The following SRP19 variants were observed in gnomAD, a reference collection of about 807,000 sequenced individuals.
SRP19 encodes the protein signal recognition particle 19 kDa protein.
In SRP19, 11 loss-of-function variants were observed where a neutral mutation model predicts 22.4. That is an observed-to-expected ratio of 0.49 (90% CI 0.31 to 0.81). The LOEUF (loss-of-function observed/expected upper bound fraction) is 0.81. Among genes scored for constraint, SRP19 ranks in the 40% least tolerant of loss-of-function variants. The pLI, the probability that SRP19 is intolerant of heterozygous loss-of-function variation, is 0.05. For missense variants in SRP19, 168 were observed against 175.9 expected (o/e 0.96, Z 0.25); for synonymous variants, 61 against 57.6 (o/e 1.06, Z -0.27).
At chr5:112,874,172 C>CA (rs1279987290), downstream of SRP19, among the ~76,000 whole-genome samples, 4 of 151,762 alleles carry the variant, frequency 2.6e-5, no homozygotes, top group Admixed American at 6.6e-5. Context: ...TCTCAAAAAA[C>CA]AAAAAACCAC....
intron 4 of SRP19, chr5:112,885,540 T>G (rs1221893349): frequency 2.5e-5 from 6 of 237,762 alleles, no homozygotes. Flanking sequence ...GGGTTGGAAG[T>G]AAACATCAAC....
At position 112,878,705 on chromosome 5, in the gene SRP19, A is replaced by AATT. The variant is rs1256226340; in HGVS notation, c.302-12895_302-12893dup. On this transcript the variant is annotated intron_variant, in intron 4 of 4. Transcript: ENST00000391338. ...GTTTCCAAGGCAACATTATTAAAAT[A>AATT]ATTATACCACAGTCCCTAATATAAC... 8 of 1,550,286 alleles carry AATT rather than the reference A, an allele frequency of 5.2e-6. No individual in the cohort carries two copies. The African/African-American group carries it at 6.9e-5, about 13-fold the overall frequency.
downstream of SRP19, chr5:112,895,520 C>G (rs1252804862): frequency 6.6e-6 from 1 of 152,038 alleles, no homozygotes; most frequent in African/African-American, 2.4e-5. Context: ...TTTTGTACCT[C>G]TTCAATGTGA....
downstream of SRP19, among the ~76,000 whole-genome samples, chr5:112,871,278 G>C (rs73220049): frequency 0.089 from 4,594 of 51,882 alleles, 342 homozygotes; most frequent in African/African-American, 0.28. Flanking sequence ...TTTGCCAGTT[G>C]TTAAGTGAAA....
At chr5:112,876,078 A>G (rs958463707) in intron 4 of SRP19, among the ~76,000 whole-genome samples, 5 of 152,116 alleles carry the variant, frequency 3.3e-5, no homozygotes, top group African/African-American at 1.2e-4. Flanking sequence ...GCAATACACT[A>G]TCTTAAGTCA....
At chr5:112,886,854 A>G (rs990894745) in intron 4 of SRP19, among the ~76,000 whole-genome samples, 37 of 152,222 alleles carry the variant, frequency 2.4e-4, no homozygotes, top group Non-Finnish European at 4.4e-5. Flanking sequence ...GAGAACTGTA[A>G]GTGTTCTCAA....
chr5:112,883,867 G>A (rs1194647552), intron 4 of SRP19, among the ~76,000 whole-genome samples: 1 of 151,990 alleles, frequency 6.6e-6, no homozygotes, highest in African/African-American at 2.4e-5. Context: ...ATCTGTTCAG[G>A]CTAAAAAGCT....
At position 112,878,751 on chromosome 5, in the gene SRP19, T is replaced by G. The variant is rs769197433; in HGVS notation, c.302-12852T>G. ...ATAACATCAAGCTCCAGTAGGAAGG[T>G]ACAGAGAGGGCAGGAAGTTTCCATC... is the stretch of plus-strand genomic sequence containing the variant. On this transcript the variant is annotated intron_variant, in intron 4 of 4. Coordinates refer to the SRP19 transcript ENST00000391338. 3.1e-6 allele frequency: 5 copies of G among 1,613,690 alleles called. No individual in the cohort carries two copies. The East Asian group carries it at 8.9e-5, about 29-fold the overall frequency.
At position 112,867,674 on chromosome 5, in the gene SRP19, TC is replaced by T; in HGVS notation, c.*138del. 1 of 1,367,354 alleles carries T rather than the reference TC, an allele frequency of 7.3e-7. No homozygotes were observed. The highest frequency in any genetic ancestry group is 9.5e-7 in the Non-Finnish European group (1 of 1,055,874). 84.7% of individuals were successfully genotyped at this position (1,367,354 alleles called of 1,614,324 possible). A position where few individuals can be genotyped will look rare whatever the true frequency, so the allele number is the denominator to read the frequency against. ...TGAACCCTTGTGCCTCTCATCTTTA[TC>T]ATCGGAGTTGACAGTGAAACAAATT... On this transcript the variant is annotated 3_prime_UTR_variant, in exon 5 of 5. Transcript: ENST00000505459.
chr5:112,883,487 C>G (rs973982705), intron 4 of SRP19, among the ~76,000 whole-genome samples: 22 of 152,290 alleles, frequency 1.4e-4, no homozygotes, highest in Non-Finnish European at 2.6e-4. Flanking sequence ...CAATTGGCCA[C>G]TCCTTATCAG....
chr5:112,876,616 A>T (rs553709206), intron 4 of SRP19: 4 of 152,322 alleles, frequency 2.6e-5, no homozygotes, highest in Non-Finnish European at 5.9e-5. Context: ...GGAATTCTGT[A>T]ACTACATACC....
chr5:112,875,760 A>C (rs1767879324), intron 4 of SRP19, among the ~76,000 whole-genome samples: 1 of 152,138 alleles, frequency 6.6e-6, no homozygotes, highest in African/African-American at 2.4e-5. Flanking sequence ...AGTTTACTAC[A>C]TCAAAGCCAG....
In SRP19 at chr5:112,867,702, A is replaced by G; in HGVS notation, c.*165A>G. The G allele has an allele frequency of 7.4e-7, 1 of 1,353,424 alleles. No homozygotes were observed. Among genetic ancestry groups the G allele is most frequent in the East Asian group, 2.6e-5 (1 of 38,922 alleles). The allele number at this position is 1,353,424 out of a possible 1,614,324, so 83.8% of individuals were successfully genotyped here. On this transcript the variant is annotated 3_prime_UTR_variant, in exon 5 of 5. Coordinates refer to ENST00000505459, the MANE Select transcript of SRP19 (RefSeq NM_003135.3). Reference sequence around the variant, plus strand: ...TCGGAGTTGACAGTGAAACAAATTTACATCAGAAGTTTGCATCTCGCGTAT... The same window carrying G: ...TCGGAGTTGACAGTGAAACAAATTTGCATCAGAAGTTTGCATCTCGCGTAT...
intron 4 of SRP19, chr5:112,877,056 A>G (rs1434556446): frequency 1.3e-5 from 2 of 152,126 alleles, no homozygotes; most frequent in African/African-American, 2.4e-5. Flanking sequence ...ACTCCTAGAT[A>G]CTTAAAATTT....
chr5:112,877,784 A>C (rs539060617), intron 4 of SRP19: 48 of 152,324 alleles, frequency 3.2e-4, no homozygotes, highest in African/African-American at 1.1e-3. Flanking sequence ...AGAGGTGGAC[A>C]AATCTTCAGA....
At chr5:112,879,079 CTTG>C (rs974144079) in intron 4 of SRP19, among the ~76,000 whole-genome samples, 3 of 152,090 alleles carry the variant, frequency 2.0e-5, no homozygotes, top group African/African-American at 4.8e-5. Flanking sequence ...AGCCTAGCCC[CTTG>C]TTGTGACAGT....
At chr5:112,894,131 T>TTG (rs1431659470), downstream of SRP19, 5 of 151,352 alleles carry the variant, frequency 3.3e-5, no homozygotes, top group East Asian at 1.9e-4. Flanking sequence ...TTTGTTTTTT[T>TTG]TTTTTTTTTG....
intron 4 of SRP19, chr5:112,887,054 C>A (rs1209277538): frequency 1.2e-6 from 2 of 1,613,178 alleles, no homozygotes; most frequent in Non-Finnish European, 1.7e-6. Flanking sequence ...TTGGCCTTGT[C>A]TTTAAGGTCC....
At chr5:112,884,541 C>G (rs1768173419) in intron 4 of SRP19, among the ~76,000 whole-genome samples, 1 of 151,998 alleles carries the variant, frequency 6.6e-6, no homozygotes, top group Admixed American at 6.6e-5. Flanking sequence ...CAACGTCCGG[C>G]TAATTTTTAA....
Sources: gnomAD v4.1 joint callset for allele counts (sites outside exome capture counted in the v4.1 genomes callset) on GRCh38, gnomAD v4.1.1 for gene constraint, MANE v1.5 for transcripts, NCBI Gene and HGNC (gene_info 2026-07-23, HGNC 2026-07-21) for gene names.